SHROOM3: variants seen among roughly 807,000 people sequenced by gnomAD.
The protein encoded by SHROOM3 is protein Shroom3.
SHROOM3 carries 47 observed loss-of-function variants against 138.6 expected under a neutral mutation model. That is an observed-to-expected ratio of 0.34 (90% confidence interval 0.27 to 0.43). The LOEUF (loss-of-function observed/expected upper bound fraction) is 0.43. Ranked by LOEUF, SHROOM3 falls within the 20% of genes least tolerant of loss-of-function variation. SHROOM3 has a pLI of 1.00. For synonymous variants in SHROOM3, 1,062 were observed against 1,063.3 expected, an observed-to-expected ratio of 1.00 and a Z score of 0.02; for missense variants, 2,491 against 2,596.5, an observed-to-expected ratio of 0.96 and a Z score of 0.88.
At position 76,741,973 on chromosome 4, in the gene SHROOM3, T is replaced by C. The variant is rs752855362; in HGVS notation, c.3753+47T>C. 9.4e-6 allele frequency: 15 copies of C among 1,595,596 alleles called. No individual in the cohort carries two copies. The highest frequency in any genetic ancestry group is 3.3e-4 in the Middle Eastern group (2 of 6,042). Reference sequence around the variant, plus strand: ...TGGCCTCGAACTGTCCCTTCCTCCCTAGAAGCTTTAGTGGGGCTCCCCAAC... The same window carrying C: ...TGGCCTCGAACTGTCCCTTCCTCCCCAGAAGCTTTAGTGGGGCTCCCCAAC... On this transcript the variant is annotated intron_variant, in intron 5 of 10. Coordinates refer to ENST00000296043, the MANE Select transcript of SHROOM3 (RefSeq NM_020859.4). The surrounding 1 kb of genome is among the most constrained non-coding windows in gnomAD (Gnocchi z 6.2).
chr4:76,745,713 G>C (rs1195876903), intron 5 of SHROOM3, among the ~76,000 whole-genome samples: 7 of 152,216 alleles, frequency 4.6e-5, no homozygotes, highest in African/African-American at 1.7e-4. Context: ...GGGTGCAGTG[G>C]TGCACACCTG....
At position 76,710,275 on chromosome 4, in the gene SHROOM3, G is replaced by T. The variant is rs199896630; in HGVS notation, c.443G>T (p.Arg148Leu). The change falls in exon 3 of 11, where the codon CGG (arginine) becomes CTG (leucine). Residue 148 changes from arginine (R) to leucine (L), a missense_variant. Physicochemically the swap from Arg to Leu is moderately radical, Grantham distance 102. Coordinates refer to ENST00000296043, the MANE Select transcript of SHROOM3 (RefSeq NM_020859.4). ...GCGTGGTCAGGAGGGGTTAAACTTCGGCTGAAGCACAGGTAAGACGCACGG... is the reference window on the plus strand; with the variant it reads ...GCGTGGTCAGGAGGGGTTAAACTTCTGCTGAAGCACAGGTAAGACGCACGG... The part of the protein sequence containing the change: ...KAAWSGGVKL[R>L]LKHRRSEPAG... The T allele has an allele frequency of 6.2e-7, 1 of 1,614,002 alleles. No homozygotes were observed. Among genetic ancestry groups the T allele is most frequent in the African/African-American group, 1.3e-5 (1 of 75,006 alleles).
intron 1 of SHROOM3, among the ~76,000 whole-genome samples, chr4:76,514,619 T>G (rs1732406495): frequency 6.6e-6 from 1 of 152,232 alleles, no homozygotes; most frequent in African/African-American, 2.4e-5. Context: ...CAATGAACTG[T>G]TCAATGAAAA....
At chr4:76,630,869 T>C (rs1188907814) in intron 2 of SHROOM3, among the ~76,000 whole-genome samples, 2 of 152,186 alleles carry the variant, frequency 1.3e-5, no homozygotes, top group African/African-American at 4.8e-5. Flanking sequence ...TTCTTAGCTA[T>C]TGTGAATTAT....
At chr4:76,754,288 C>T (rs1721728909) in intron 6 of SHROOM3, 23 bp from the exon 7 acceptor site, 1 of 1,614,018 alleles carries the variant, frequency 6.2e-7, no homozygotes, top group Non-Finnish European at 8.5e-7. Flanking sequence ...AGCTGTAACC[C>T]TCCTGTCTGT....
rs373755572 is a variant in SHROOM3, at chr4:76,754,886, G to A, written c.4403G>A (p.Ser1468Asn). The A allele has an allele frequency of 6.2e-7, 1 of 1,614,068 alleles. No homozygotes were observed. Among genetic ancestry groups the A allele is most frequent in the Non-Finnish European group, 8.5e-7 (1 of 1,180,040 alleles). ...QKQQSLPSLCSTSDPDTPLGA... is the reference protein window; with the variant it reads ...QKQQSLPSLCNTSDPDTPLGA... ...CAGCAGAGTCTTCCAAGTTTATGCA[G>A]CACTTCTGACCCAGACACACCTCTT... The change falls in exon 7 of 11, where the codon AGC becomes AAC. Residue 1468 changes from serine to asparagine, a missense_variant. By Grantham distance (46) the Ser-to-Asn change is conservative. Around this residue, in one of 4 missense-constraint regions of SHROOM3, gnomAD observed 1,733 missense variants for 1,661.6 expected, o/e 1.04. Transcript: ENST00000296043.
Position 76,657,390 on chromosome 4 carries a change from A to G in SHROOM3, c.324-52766A>G, listed in dbSNP as rs57873932. Among the ~76,000 whole-genome samples the G allele has an allele frequency of 8.2e-3, 1,251 of 152,292 alleles. 19 individuals are homozygous for G. Among genetic ancestry groups the G allele is most frequent in the African/African-American group, 0.029 (1,202 of 41,558 alleles). ...GAAAGAAACACAGTATTTGAAGTCA[A>G]AAGACTTGGTTTGATTCATTTTGTG... On this transcript the variant is annotated intron_variant, in intron 2 of 10. Coordinates refer to ENST00000296043, the MANE Select transcript of SHROOM3 (RefSeq NM_020859.4).
intron 4 of SHROOM3, among the ~76,000 whole-genome samples, chr4:76,733,185 A>C (rs1720932150): frequency 1.3e-5 from 2 of 152,244 alleles, no homozygotes; most frequent in Non-Finnish European, 1.5e-5. Context: ...ATCAGTACTT[A>C]GAATGACTGC....
intron 1 of SHROOM3, among the ~76,000 whole-genome samples, chr4:76,442,172 T>A (rs925328136): frequency 2.0e-5 from 3 of 152,222 alleles, no homozygotes; most frequent in Non-Finnish European, 4.4e-5. Context: ...TCTTTCTCAT[T>A]TACACATAGC....
intron 2 of SHROOM3, among the ~76,000 whole-genome samples, chr4:76,604,183 A>C (rs557666263): frequency 6.6e-6 from 1 of 152,272 alleles, no homozygotes; most frequent in Non-Finnish European, 1.5e-5. Flanking sequence ...AAGGACATTT[A>C]TTAGAATTGG....
intron 2 of SHROOM3, among the ~76,000 whole-genome samples, chr4:76,631,348 C>T (rs1735317096): frequency 6.6e-6 from 1 of 151,638 alleles, no homozygotes; most frequent in Non-Finnish European, 1.5e-5. Flanking sequence ...GCTGAGATTA[C>T]AGGTGCCTGC....
At chr4:76,725,001 G>A (rs573066339) in intron 3 of SHROOM3, among the ~76,000 whole-genome samples, 10 of 152,066 alleles carry the variant, frequency 6.6e-5, no homozygotes, top group Admixed American at 5.9e-4. Context: ...CTATCTGTAC[G>A]GTATGGAAGA....
rs117523558 is a variant in SHROOM3 at position 76,664,106 on chromosome 4, G to A, written c.324-46050G>A. Reference sequence around the variant, plus strand: ...ACTACTTGCTGGCTGTAAGTCTGGCGTCATTGAAAGAATACTTTCTCTGTA... The same window carrying A: ...ACTACTTGCTGGCTGTAAGTCTGGCATCATTGAAAGAATACTTTCTCTGTA... On this transcript the variant is annotated intron_variant, in intron 2 of 10. Transcript: ENST00000296043. This position sits in a 1 kb window ranked among gnomAD's most constrained non-coding sequence, Gnocchi z 4.2. 1.2e-4 allele frequency among the ~76,000 whole-genome samples: 18 copies of A among 152,294 alleles called. No individual in the cohort carries two copies. The East Asian group carries it at 3.3e-3, about 28-fold the overall frequency.
intron 2 of SHROOM3, among the ~76,000 whole-genome samples, chr4:76,557,226 T>TACACACACACACACACACACAC (rs35294663): frequency 1.5e-4 from 21 of 142,016 alleles, no homozygotes; most frequent in South Asian, 4.7e-4. Context: ...TGTTTATGTA[T>TACACACACACACACACACACAC]ACACACACAC....
At chr4:76,592,927 C>A (rs1734304523) in intron 2 of SHROOM3, among the ~76,000 whole-genome samples, 1 of 152,130 alleles carries the variant, frequency 6.6e-6, no homozygotes, top group Non-Finnish European at 1.5e-5. Context: ...TTTTGAGGCA[C>A]TTCAGTGACC....
At chr4:76,594,562 C>A (rs1461836098) in intron 2 of SHROOM3, among the ~76,000 whole-genome samples, 1 of 152,210 alleles carries the variant, frequency 6.6e-6, no homozygotes, top group Non-Finnish European at 1.5e-5. Flanking sequence ...CATCATGGGA[C>A]AATTACAGTG....
chr4:76,633,656 CAAAAAAA>C (rs869138315), intron 2 of SHROOM3, among the ~76,000 whole-genome samples: 3 of 88,760 alleles, frequency 3.4e-5, no homozygotes, highest in East Asian at 3.4e-4. Flanking sequence ...GACTCCGTCT[CAAAAAAA>C]AAAAAAAAAA....
At chr4:76,592,553 C>T (rs4859693) in intron 2 of SHROOM3, among the ~76,000 whole-genome samples, 88,020 of 152,050 alleles carry the variant, frequency 0.58, 26,140 homozygotes, top group East Asian at 0.85. Context: ...GCCTCTTAAA[C>T]ATTAAATTCT....
chr4:76,685,218 A>G (rs1366049891), intron 2 of SHROOM3, among the ~76,000 whole-genome samples: 4 of 152,204 alleles, frequency 2.6e-5, no homozygotes, highest in Non-Finnish European at 5.9e-5. Context: ...CAACTTATAT[A>G]TAAGTTGTTT....
Sources: allele counts gnomAD v4.1 joint callset (sites outside exome capture counted in the v4.1 genomes callset), GRCh38; gene constraint gnomAD v4.1.1; regional missense constraint gnomAD v4.1.1; non-coding constraint Gnocchi (gnomAD v3.1); transcripts MANE v1.5; gene names NCBI Gene and HGNC (gene_info 2026-07-23, HGNC 2026-07-21).